The following SYT1 variants were observed in gnomAD, a reference collection of about 807,000 sequenced individuals.
The protein encoded by SYT1 is synaptotagmin-1.
SYT1 carries 8 observed loss-of-function variants against 44.8 expected under a neutral mutation model. That is an observed-to-expected ratio of 0.18 (90% CI 0.10 to 0.32). The LOEUF (loss-of-function observed/expected upper bound fraction) is 0.32, where lower values mean the gene tolerates loss of function less well. SYT1 is among the 10% of genes least tolerant of loss of function. The pLI, the probability that SYT1 is intolerant of heterozygous loss-of-function variation, is 1.00. For synonymous variants in SYT1, 154 were observed against 188.8 expected (o/e 0.82, Z 1.51); for missense variants, 286 against 509.3 (o/e 0.56, Z 4.22).
At chr12:78,959,091 T>A (rs948070699) in intron 1 of SYT1, among the ~76,000 whole-genome samples, 4 of 152,132 alleles carry the variant, frequency 2.6e-5, no homozygotes, top group African/African-American at 9.7e-5. Context: ...TGAGTTTAAC[T>A]TGAATACCTA....
chr12:79,100,664 AG>A (rs1878395994), intron 3 of SYT1, among the ~76,000 whole-genome samples: 1 of 152,182 alleles, frequency 6.6e-6, no homozygotes, highest in Non-Finnish European at 1.5e-5. Flanking sequence ...CTATAATAAG[AG>A]AATGAATGAT....
At chr12:79,064,782 A>G (rs1875643357) in intron 3 of SYT1, among the ~76,000 whole-genome samples, 1 of 151,010 alleles carries the variant, frequency 6.6e-6, no homozygotes, top group Non-Finnish European at 1.5e-5. Flanking sequence ...ATAACAACTA[A>G]CTATTCTGCA....
chr12:79,180,946 C>T (rs998460869), intron 3 of SYT1, among the ~76,000 whole-genome samples: 2 of 151,992 alleles, frequency 1.3e-5, no homozygotes, highest in South Asian at 2.1e-4. Context: ...CTCATGATAG[C>T]GAGTGAGTTC....
rs566175647 is a variant in SYT1 at position 78,894,330 on chromosome 12, G to GTTTTTTTTTTTTTTTTT, written c.-217+29240_-217+29256dup. Among the ~76,000 whole-genome samples, 26 of 27,732 alleles carry GTTTTTTTTTTTTTTTTT rather than the reference G, an allele frequency of 9.4e-4. 9 individuals carry two copies. The highest frequency in any genetic ancestry group is 1.3e-3 in the Non-Finnish European group (19 of 15,136). 18.2% of individuals were successfully genotyped at this position (27,732 alleles called of 152,430 possible). On this transcript the variant is annotated intron_variant, in intron 1 of 10. Coordinates refer to ENST00000261205, the MANE Select transcript of SYT1 (RefSeq NM_005639.3). ...AATTTATGATTGTGTTTTTTAATCTGTTTTTTTTTTTTTTTTTTTTTTTTT... is the reference window on the plus strand; with the variant it reads ...AATTTATGATTGTGTTTTTTAATCTGTTTTTTTTTTTTTTTTTTTTTTTTTTTTTTTTTTTTTTTTTT...
chr12:79,099,858 C>T (rs561021464), intron 3 of SYT1, among the ~76,000 whole-genome samples: 1 of 152,214 alleles, frequency 6.6e-6, no homozygotes, highest in South Asian at 2.1e-4. Context: ...ATACTCTGTA[C>T]TCCTAATCCG....
At chr12:78,919,149 TAA>T (rs1164335816) in intron 1 of SYT1, among the ~76,000 whole-genome samples, 1 of 152,028 alleles carries the variant, frequency 6.6e-6, no homozygotes, top group Non-Finnish European at 1.5e-5. Flanking sequence ...CCACAGACAA[TAA>T]AGTTACTCCT....
At chr12:79,410,044 T>C (rs936934143) in intron 9 of SYT1, among the ~76,000 whole-genome samples, 24 of 152,224 alleles carry the variant, frequency 1.6e-4, no homozygotes, top group African/African-American at 5.5e-4. Context: ...TCAAAAATTA[T>C]TTTGAAATGC....
chr12:78,992,093 A>G (rs1870059152), intron 2 of SYT1, among the ~76,000 whole-genome samples: 1 of 152,206 alleles, frequency 6.6e-6, no homozygotes, highest in South Asian at 2.1e-4. Context: ...TTACAGGGAA[A>G]GAAAAGGAAC....
At chr12:78,990,439 A>G (rs1020597944) in intron 2 of SYT1, among the ~76,000 whole-genome samples, 4 of 152,166 alleles carry the variant, frequency 2.6e-5, no homozygotes, top group Admixed American at 1.3e-4. Flanking sequence ...TTAAACCATG[A>G]CTATCTGGTT....
chr12:78,940,994 G>A lies in SYT1; in HGVS notation c.-216-36805G>A, dbSNP rs144218702. Among the ~76,000 whole-genome samples, 996 of 151,194 alleles carry A rather than the reference G, an allele frequency of 6.6e-3. 14 individuals are homozygous for A. The highest frequency in any genetic ancestry group is 0.023 in the African/African-American group (945 of 41,190). On this transcript the variant is annotated intron_variant, in intron 1 of 10. Coordinates refer to ENST00000261205, the MANE Select transcript of SYT1 (RefSeq NM_005639.3). ...TGTGTGCTCTGTGAGAATAACTGCA[G>A]TGAGATACATGTCCTTTAGAGCATT...
chr12:79,242,201 C>T (rs1876555653), intron 4 of SYT1, among the ~76,000 whole-genome samples: 2 of 152,218 alleles, frequency 1.3e-5, no homozygotes, highest in African/African-American at 4.8e-5. Context: ...GCATGTGGAT[C>T]ACCTGGGTCC....
At chr12:79,014,108 A>G (rs1871618301) in intron 2 of SYT1, among the ~76,000 whole-genome samples, 1 of 136,976 alleles carries the variant, frequency 7.3e-6, no homozygotes, top group South Asian at 2.7e-4. Context: ...CTGGCAACAG[A>G]GTGAGACTCT....
chr12:79,193,957 T>TTA (rs1873285620), intron 3 of SYT1, among the ~76,000 whole-genome samples: 1 of 152,200 alleles, frequency 6.6e-6, no homozygotes, highest in East Asian at 1.9e-4. Flanking sequence ...GCAGAGATGC[T>TTA]AATTGGCTTT....
chr12:79,191,142 A>G (rs1476631471), intron 3 of SYT1, among the ~76,000 whole-genome samples: 1 of 151,906 alleles, frequency 6.6e-6, no homozygotes, highest in Non-Finnish European at 1.5e-5. Flanking sequence ...TTTCTCATGT[A>G]TCTTATTATT....
At chr12:78,949,661 G>T (rs1011791592) in intron 1 of SYT1, among the ~76,000 whole-genome samples, 14 of 151,886 alleles carry the variant, frequency 9.2e-5, no homozygotes, top group African/African-American at 2.9e-4. Flanking sequence ...TAAAAGAAGA[G>T]AATTCAAAGG....
At chr12:79,208,895 CTT>C (rs1874279011) in intron 3 of SYT1, among the ~76,000 whole-genome samples, 1 of 151,830 alleles carries the variant, frequency 6.6e-6, no homozygotes, top group Non-Finnish European at 1.5e-5. Flanking sequence ...AAGGCATACT[CTT>C]TAAAAAAAAA....
chr12:78,954,291 A>C (rs1743896964), intron 1 of SYT1, among the ~76,000 whole-genome samples: 1 of 152,156 alleles, frequency 6.6e-6, no homozygotes, highest in African/African-American at 2.4e-5. Flanking sequence ...AATCTGCTGC[A>C]AATTACAGCC....
At chr12:79,172,564 T>C (rs909823059) in intron 3 of SYT1, among the ~76,000 whole-genome samples, 3 of 151,968 alleles carry the variant, frequency 2.0e-5, no homozygotes, top group Non-Finnish European at 4.4e-5. Flanking sequence ...TTCTTCTATC[T>C]TATAATATTT....
intron 2 of SYT1, among the ~76,000 whole-genome samples, chr12:78,993,297 T>A (rs1870145814): frequency 6.6e-6 from 1 of 152,230 alleles, no homozygotes; most frequent in South Asian, 2.1e-4. Context: ...GCAAAGTATA[T>A]CTTGCAAGAA....
Sources: gnomAD v4.1 joint callset for allele counts (sites outside exome capture counted in the v4.1 genomes callset) on GRCh38, gnomAD v4.1.1 for gene constraint, MANE v1.5 for transcripts, NCBI Gene and HGNC (gene_info 2026-07-23, HGNC 2026-07-21) for gene names.